The following ATAD5 variants were observed in gnomAD, a reference collection of about 807,000 sequenced individuals.
ATAD5 encodes the protein ATPase family AAA domain containing 5.
ATAD5 carries 58 observed loss-of-function variants against 176.9 expected under a neutral mutation model. The observed-to-expected ratio is 0.33, with a 90% CI of 0.27 to 0.41. The LOEUF (loss-of-function observed/expected upper bound fraction) is 0.41. ATAD5 is among the 10% of genes least tolerant of loss of function. The pLI is 1.00. For synonymous variants in ATAD5, 640 were observed against 712.6 expected (o/e 0.90, Z 1.62); for missense variants, 1,789 against 2,094.1 (o/e 0.85, Z 2.84).
At chr17:30,883,487 T>C (rs954394302) in intron 18 of ATAD5, among the ~76,000 whole-genome samples, 5 of 152,148 alleles carry the variant, frequency 3.3e-5, no homozygotes, top group African/African-American at 1.2e-4. Context: ...CACTAATTTT[T>C]ATATTGGTTA....
chr17:30,845,685 C>T (rs1567681334), intron 6 of ATAD5, among the ~76,000 whole-genome samples: 2 of 152,050 alleles, frequency 1.3e-5, no homozygotes, highest in Admixed American at 6.6e-5. Context: ...AAATATAGAC[C>T]TAAACAGATT....
chr17:30,889,098 T>C (rs1597999610), intron 19 of ATAD5, among the ~76,000 whole-genome samples: 1 of 148,914 alleles, frequency 6.7e-6, no homozygotes, highest in South Asian at 2.1e-4. Context: ...ACACACAAAT[T>C]AAAAAACAAA....
rs138260353 is a variant in ATAD5 at position 30,834,781 on chromosome 17, A to G, written c.700A>G (p.Lys234Glu). 3.1e-6 allele frequency: 5 copies of G among 1,614,150 alleles called. No individual in the cohort carries two copies. The African/African-American group carries it at 5.3e-5, about 17-fold the overall frequency. ...ACTAAATTTGCTTAAAAAAGATGGT[A>G]AAGATACTAAACAGATGGAGAATAC... ...EELNLLKKDG[K>E]DTKQMENTTS... Residue 234 changes from lysine to glutamate, a missense_variant, in exon 2 of 23, where the codon AAA becomes GAA. By Grantham distance (56) the Lys-to-Glu change is moderately conservative. This residue lies in a region of ATAD5 where 696 missense variants were observed against 712.5 expected (regional missense o/e 0.98). Transcript: ENST00000321990.
intron 2 of ATAD5, among the ~76,000 whole-genome samples, chr17:30,836,339 C>A (rs1409251380): frequency 6.6e-6 from 1 of 151,788 alleles, no homozygotes. Flanking sequence ...CCACCACGCC[C>A]AGCTAATTTT....
intron 18 of ATAD5, among the ~76,000 whole-genome samples, chr17:30,880,509 G>T (rs1310554314): frequency 1.3e-5 from 2 of 151,928 alleles, no homozygotes; most frequent in East Asian, 3.9e-4. Context: ...TTGGGAGGCT[G>T]TGGCAGGAGA....
intron 7 of ATAD5, among the ~76,000 whole-genome samples, chr17:30,855,587 A>C (rs1907247478): frequency 6.6e-6 from 1 of 152,144 alleles, no homozygotes; most frequent in Admixed American, 6.6e-5. Context: ...CTGTAATCCC[A>C]GAACTTTGAG....
In ATAD5 at chr17:30,835,607, TAAAAG is replaced by T; in HGVS notation, c.1528_1532del (p.Lys510GlufsTer6). The T allele has an allele frequency of 6.2e-7, 1 of 1,611,568 alleles. No individual in the cohort carries two copies. The highest frequency in any genetic ancestry group is 8.5e-7 in the Non-Finnish European group (1 of 1,178,802). On this transcript the variant is annotated frameshift_variant, in exon 2 of 23. Coordinates refer to ENST00000321990, the MANE Select transcript of ATAD5 (RefSeq NM_024857.5). LOFTEE classifies it high-confidence loss of function. ...CAAAAGAAAGAAACAACCTTTTTCTTAAAAGAGAAACAATATCAAAATAGAATGAG... is the reference window on the plus strand; with the variant it reads ...CAAAAGAAAGAAACAACCTTTTTCTTAGAAACAATATCAAAATAGAATGAG...
chr17:30,885,688 C>T (rs1250034514), intron 18 of ATAD5, among the ~76,000 whole-genome samples: 1 of 127,960 alleles, frequency 7.8e-6, no homozygotes, highest in Admixed American at 9.9e-5. Context: ...GGCTGGAGTG[C>T]AGTGGGGCAA....
intron 3 of ATAD5, among the ~76,000 whole-genome samples, chr17:30,840,217 A>AAAC (rs1447367116): frequency 2.6e-4 from 39 of 148,052 alleles, no homozygotes; most frequent in African/African-American, 4.0e-4. Context: ...AAAAAAAAAA[A>AAAC]AACAACCTTG....
intron 3 of ATAD5, among the ~76,000 whole-genome samples, chr17:30,838,240 C>G (rs1188529728): frequency 2.0e-5 from 3 of 152,188 alleles, no homozygotes; most frequent in Non-Finnish European, 2.9e-5. Flanking sequence ...TCCTTGTCCC[C>G]ACCATGGCAG....
intron 14 of ATAD5, among the ~76,000 whole-genome samples, chr17:30,874,955 C>T (rs895089342): frequency 1.3e-5 from 2 of 152,002 alleles, no homozygotes; most frequent in African/African-American, 2.4e-5. Flanking sequence ...TAAGATATTG[C>T]ATCTCTTACC....
intron 6 of ATAD5, among the ~76,000 whole-genome samples, chr17:30,850,829 ATT>A (rs1181411844): frequency 0.033 from 909 of 27,390 alleles, 37 homozygotes; most frequent in African/African-American, 0.11. Context: ...ATATTTATAT[ATT>A]TTTATATATA....
At chr17:30,869,856 G>A (rs1013457039) in intron 14 of ATAD5, 2 of 541,866 alleles carry the variant, frequency 3.7e-6, no homozygotes, top group Admixed American at 7.7e-5. Context: ...TATCTGATAA[G>A]GACTTTTAAA....
At chr17:30,891,625 G>A (rs1030143716) in intron 19 of ATAD5, among the ~76,000 whole-genome samples, 31 of 151,474 alleles carry the variant, frequency 2.0e-4, no homozygotes, top group Admixed American at 1.5e-3. Flanking sequence ...CACCCGCCTC[G>A]GCCTCCCAAA....
chr17:30,832,468 G>A, intron 1 of ATAD5, 55 bp downstream of exon 1: 1 of 1,428,618 alleles, frequency 7.0e-7, no homozygotes, highest in Non-Finnish European at 9.3e-7. Flanking sequence ...TGGGGGATTG[G>A]AAGGTGGGTC....
In ATAD5 at chr17:30,883,954, T is replaced by G. The variant is rs188811540; in HGVS notation, c.4078-3238T>G. On this transcript the variant is annotated intron_variant, in intron 18 of 22. Transcript: ENST00000321990. ...AAAATTTTTGTATTAAAAAATTTGCTTTTGGTAAAGAACACGTAACAGTGT... is the reference window on the plus strand; with the variant it reads ...AAAATTTTTGTATTAAAAAATTTGCGTTTGGTAAAGAACACGTAACAGTGT... Among the ~76,000 whole-genome samples the G allele has an allele frequency of 3.2e-3, 494 of 152,288 alleles. 2 individuals are homozygous for G. The highest frequency in any genetic ancestry group is 6.4e-3 in the South Asian group (31 of 4,830).
At chr17:30,877,909 A>G in intron 16 of ATAD5, 94 bp from the exon 17 acceptor site, 1 of 878,666 alleles carries the variant, frequency 1.1e-6, no homozygotes, top group East Asian at 2.8e-5. Flanking sequence ...ATAAATTCAT[A>G]AATTTTGTCT....
At chr17:30,882,817 A>G (rs1046498063) in intron 18 of ATAD5, among the ~76,000 whole-genome samples, 3 of 152,212 alleles carry the variant, frequency 2.0e-5, no homozygotes, top group Admixed American at 1.3e-4. Context: ...TGAAATGTCC[A>G]GAATAGGCAC....
intron 18 of ATAD5, among the ~76,000 whole-genome samples, chr17:30,883,216 C>G (rs1310662741): frequency 6.6e-6 from 1 of 151,280 alleles, no homozygotes; most frequent in Non-Finnish European, 1.5e-5. Flanking sequence ...CCTCTACCTC[C>G]TGGGCTCAAG....
Sources: allele counts gnomAD v4.1 joint callset (sites outside exome capture counted in the v4.1 genomes callset), GRCh38; gene constraint gnomAD v4.1.1; regional missense constraint gnomAD v4.1.1; transcripts MANE v1.5; gene names NCBI Gene and HGNC (gene_info 2026-07-23, HGNC 2026-07-21).